RGS7: variants seen among roughly 807,000 people sequenced by gnomAD.
RGS7 encodes regulator of G-protein signaling 7.
In RGS7, 27 loss-of-function variants were observed where a neutral mutation model predicts 81.1. The ratio of observed to expected loss-of-function variants is 0.33; its 90% CI spans 0.25 to 0.46. The LOEUF is 0.46. Ranked by LOEUF, RGS7 falls within the 20% of genes least tolerant of loss-of-function variation. RGS7 has a pLI of 1.00. For synonymous variants in RGS7, 208 were observed against 207.7 expected (o/e 1.00, Z -0.01); for missense variants, 396 against 607.4 (o/e 0.65, Z 3.66).
intron 10 of RGS7, among the ~76,000 whole-genome samples, chr1:240,826,130 G>A (rs1034442127): frequency 3.3e-5 from 5 of 152,188 alleles, no homozygotes; most frequent in African/African-American, 1.2e-4. Flanking sequence ...AGACAGGCTT[G>A]CTTTGGTCTG....
chr1:240,812,068 A>T lies in RGS7; in HGVS notation c.957-25T>A, dbSNP rs756870185. The T allele has an allele frequency of 2.5e-6, 4 of 1,613,784 alleles. No homozygotes were observed. In the African/African-American group the frequency reaches 5.3e-5, roughly 22 times the overall value. On this transcript the variant is annotated intron_variant, in intron 13 of 18. Transcript: ENST00000440928. ...GCTATAGAAGATAAAACAAAGGCAA[A>T]TACATTCCTTTCATTAGAATTCCCA...
At chr1:240,920,444 T>C in intron 6 of RGS7, 2 of 1,152,384 alleles carry the variant, frequency 1.7e-6, no homozygotes, top group Admixed American at 3.4e-5. Flanking sequence ...ATTTTGGCAA[T>C]TACAACAATC....
At position 240,930,751 on chromosome 1, in the gene RGS7, T is replaced by C. The variant is rs774783582; in HGVS notation, c.351A>G (p.Pro117=). ...FYRFQTPYFW[P]SNCWEPENTD... ...TGTTTTCCGGCTCCCAACAATTTGA[T>C]GGCCAAAAATAGGGGGTCTGCGGAA... Residue 117 remains proline (P), a synonymous_variant, in exon 6 of 19, where the codon CCA becomes CCG. Coordinates refer to ENST00000440928, the MANE Select transcript of RGS7 (RefSeq NM_001364886.1). 1.2e-6 allele frequency: 2 copies of C among 1,613,896 alleles called. No individual in the cohort carries two copies. The highest frequency in any genetic ancestry group is 4.5e-5 in the East Asian group (2 of 44,868).
At chr1:241,129,395 G>A (rs958102884) in intron 2 of RGS7, among the ~76,000 whole-genome samples, 5 of 151,994 alleles carry the variant, frequency 3.3e-5, no homozygotes, top group Admixed American at 6.5e-5. Context: ...GATTCTTTCC[G>A]TATTCTGACT....
intron 2 of RGS7, among the ~76,000 whole-genome samples, chr1:241,302,827 A>AT (rs2079853918): frequency 6.6e-6 from 1 of 152,088 alleles, no homozygotes. Flanking sequence ...CTTTTCAACC[A>AT]TAAGTATTTC....
At chr1:241,062,599 G>A (rs569808945) in intron 3 of RGS7, among the ~76,000 whole-genome samples, 23 of 152,290 alleles carry the variant, frequency 1.5e-4, no homozygotes, top group Admixed American at 7.2e-4. Context: ...CCCAGACTCT[G>A]CAGTTACTGA....
chr1:240,881,180 T>C (rs998635205), intron 6 of RGS7, among the ~76,000 whole-genome samples: 4 of 152,262 alleles, frequency 2.6e-5, no homozygotes, highest in Middle Eastern at 3.4e-3. Flanking sequence ...TAAAAAAGGA[T>C]GAGTTCATGT....
In RGS7 at chr1:240,891,544, C is replaced by T. The variant is rs756901708; in HGVS notation, c.386-21425G>A. On this transcript the variant is annotated intron_variant, in intron 6 of 18. Transcript: ENST00000440928. ...TTAAAATGAAGTCATTTTTTTCAAA[C>T]GTACAATGTAATTTTATATTAAATT... is the stretch of plus-strand genomic sequence containing the variant. Among the ~76,000 whole-genome samples the T allele has an allele frequency of 1.6e-4, 25 of 151,744 alleles. 1 individual carries two copies. Among genetic ancestry groups the T allele is most frequent in the Non-Finnish European group, 3.2e-4 (22 of 67,922 alleles).
At chr1:241,079,521 T>C (rs1414480919) in intron 3 of RGS7, among the ~76,000 whole-genome samples, 1 of 152,050 alleles carries the variant, frequency 6.6e-6, no homozygotes, top group Non-Finnish European at 1.5e-5. Context: ...GGGAGGGGGC[T>C]ATGATGAGAG....
chr1:241,180,519 C>T (rs1489387795), intron 2 of RGS7, among the ~76,000 whole-genome samples: 1 of 152,104 alleles, frequency 6.6e-6, no homozygotes, highest in Non-Finnish European at 1.5e-5. Flanking sequence ...GTGAGAAACC[C>T]ACCTTGACAC....
At chr1:241,283,520 G>C (rs2078635026) in intron 2 of RGS7, among the ~76,000 whole-genome samples, 1 of 151,928 alleles carries the variant, frequency 6.6e-6, no homozygotes, top group Non-Finnish European at 1.5e-5. Context: ...CCCCCAGTAG[G>C]TAAGATGTCA....
At chr1:241,044,620 TAG>T (rs1472245004) in intron 3 of RGS7, among the ~76,000 whole-genome samples, 1 of 151,924 alleles carries the variant, frequency 6.6e-6, no homozygotes, top group East Asian at 1.9e-4. Context: ...TTTGTAGAGA[TAG>T]AGTCTCGCTA....
chr1:241,230,896 G>A (rs12139636), intron 2 of RGS7, among the ~76,000 whole-genome samples: 26,755 of 152,140 alleles, frequency 0.18, 2,558 homozygotes, highest in Middle Eastern at 0.2. Flanking sequence ...TGTCTACTGA[G>A]AGGGACATTG....
At chr1:241,229,067 A>AG (rs1452930123) in intron 2 of RGS7, among the ~76,000 whole-genome samples, 1 of 152,022 alleles carries the variant, frequency 6.6e-6, no homozygotes. Flanking sequence ...AATTAAAAAA[A>AG]AAAAAAAGAA....
intron 18 of RGS7, among the ~76,000 whole-genome samples, chr1:240,778,573 G>A (rs12729044): frequency 0.17 from 26,187 of 152,090 alleles, 3,029 homozygotes; most frequent in African/African-American, 0.33. Context: ...TCACTCCGTC[G>A]TCAGGCTGAA....
intron 3 of RGS7, among the ~76,000 whole-genome samples, chr1:241,024,740 CAA>C (rs1217131752): frequency 2.0e-5 from 3 of 152,034 alleles, no homozygotes; most frequent in Non-Finnish European, 4.4e-5. Flanking sequence ...TATTGATGCT[CAA>C]AAAGACACTG....
intron 2 of RGS7, among the ~76,000 whole-genome samples, chr1:241,317,988 G>A (rs2148591267): frequency 6.6e-6 from 1 of 152,206 alleles, no homozygotes; most frequent in Non-Finnish European, 1.5e-5. Context: ...GTTTTCCACA[G>A]GAAAACCATC....
In RGS7 at chr1:240,868,117, G is replaced by GGAAAGAAAGAGAAA. The variant is rs1553331367; in HGVS notation, c.609+469_609+470insTTTCTCTTTCTTTC. 8.2e-6 allele frequency among the ~76,000 whole-genome samples: 1 copy of GGAAAGAAAGAGAAA among 122,444 alleles called. No individual in the cohort carries two copies. The highest frequency in any genetic ancestry group is 1.6e-5 in the Non-Finnish European group (1 of 62,724). 80.3% of individuals were successfully genotyped at this position (122,444 alleles called of 152,430 possible). A position where few individuals can be genotyped will look rare whatever the true frequency, so the allele number is the denominator to read the frequency against. ...GAAAAGAAAAAGAAAGAAAAGAAAA[G>GGAAAGAAAGAGAAA]GAAAGAAAGAAAGAAAGAAAGAAAG... On this transcript the variant is annotated intron_variant, in intron 9 of 18. Transcript: ENST00000440928. This position sits in a 1 kb window ranked among gnomAD's most constrained non-coding sequence, Gnocchi z 5.1.
intron 3 of RGS7, among the ~76,000 whole-genome samples, chr1:241,068,257 T>TATATATATATATATATATATATATA (rs1433690559): frequency 1.4e-5 from 1 of 73,266 alleles, no homozygotes; most frequent in Non-Finnish European, 2.7e-5. Flanking sequence ...TATATATATA[T>TATATATATATATATATATATATATA]AAAATATTGT....
Sources: gnomAD v4.1 joint callset for allele counts (sites outside exome capture counted in the v4.1 genomes callset) on GRCh38, gnomAD v4.1.1 for gene constraint, Gnocchi (gnomAD v3.1) non-coding constraint, MANE v1.5 for transcripts, NCBI Gene and HGNC (gene_info 2026-07-23, HGNC 2026-07-21) for gene names.